The following WWOX variants were observed in gnomAD, a reference collection of about 807,000 sequenced individuals.
WWOX encodes the protein WW domain containing oxidoreductase, also known as WW domain-containing oxidoreductase.
WWOX carries 69 observed loss-of-function variants against 46.2 expected under a neutral mutation model. That is an observed-to-expected ratio of 1.49 (90% confidence interval 1.23 to 1.82). The LOEUF is 1.82. WWOX is among the 40% of genes most tolerant of loss of function. The pLI is 0.00. For synonymous variants in WWOX, 359 were observed against 202.6 expected, an observed-to-expected ratio of 1.77 and a Z score of -6.56; for missense variants, 919 against 542.6, an observed-to-expected ratio of 1.69 and a Z score of -6.89.
intron 5 of WWOX, among the ~76,000 whole-genome samples, chr16:78,207,635 C>T (rs74670914): frequency 7.4e-4 from 112 of 150,946 alleles, no homozygotes; most frequent in African/African-American, 2.6e-3. Flanking sequence ...TTTGAAGATA[C>T]AATAGATGTA....
intron 5 of WWOX, among the ~76,000 whole-genome samples, chr16:78,202,981 G>A (rs998968498): frequency 6.6e-6 from 1 of 152,146 alleles, no homozygotes; most frequent in Non-Finnish European, 1.5e-5. Flanking sequence ...ACCAGTTCCT[G>A]CACAGGCTGT....
At chr16:78,369,899 G>A (rs1317951807) in intron 5 of WWOX, among the ~76,000 whole-genome samples, 1 of 151,978 alleles carries the variant, frequency 6.6e-6, no homozygotes, top group Non-Finnish European at 1.5e-5. Flanking sequence ...TTGGGAGGCC[G>A]AGGCGGGAGG....
chr16:78,586,549 G>A (rs1309857244), intron 8 of WWOX, among the ~76,000 whole-genome samples: 1 of 152,050 alleles, frequency 6.6e-6, no homozygotes, highest in African/African-American at 2.4e-5. Context: ...CTTGCAATAC[G>A]CTTGTTATCT....
At chr16:79,137,951 A>G (rs748978906) in intron 8 of WWOX, among the ~76,000 whole-genome samples, 7 of 152,166 alleles carry the variant, frequency 4.6e-5, no homozygotes, top group Non-Finnish European at 8.8e-5. Flanking sequence ...AGTTTTGAGG[A>G]TGAAATTGGT....
chr16:78,395,211 A>T (rs1036922909), intron 6 of WWOX, among the ~76,000 whole-genome samples: 9 of 152,190 alleles, frequency 5.9e-5, no homozygotes, highest in African/African-American at 2.2e-4. Context: ...TGTGGGTCTC[A>T]TAAGGGCTTT....
chr16:79,179,491 A>G (rs1334671203), intron 8 of WWOX, among the ~76,000 whole-genome samples: 2 of 152,216 alleles, frequency 1.3e-5, no homozygotes, highest in Non-Finnish European at 2.9e-5. Flanking sequence ...AAACCTGCAA[A>G]CATGCAATCC....
intron 8 of WWOX, among the ~76,000 whole-genome samples, chr16:78,754,899 A>T (rs910867789): frequency 6.6e-6 from 1 of 152,040 alleles, no homozygotes; most frequent in African/African-American, 2.4e-5. Flanking sequence ...ACTGTCCATT[A>T]TCTGCAGGGG....
chr16:79,050,231 G>A (rs1464666001), intron 8 of WWOX, among the ~76,000 whole-genome samples: 1 of 152,104 alleles, frequency 6.6e-6, no homozygotes, highest in Admixed American at 6.5e-5. Context: ...GTTTTGGTGG[G>A]GCTTCCCCCT....
chr16:79,117,113 A>T (rs2049532361), intron 8 of WWOX, among the ~76,000 whole-genome samples: 1 of 152,076 alleles, frequency 6.6e-6, no homozygotes, highest in Admixed American at 6.6e-5. Flanking sequence ...TGCAGCTCAA[A>T]TTATCCTCCT....
chr16:78,659,786 G>T (rs772987391), intron 8 of WWOX, among the ~76,000 whole-genome samples: 1 of 152,148 alleles, frequency 6.6e-6, no homozygotes, highest in South Asian at 2.1e-4. Flanking sequence ...AAGATAAAGG[G>T]AGAACAGCAT....
chr16:78,831,795 G>A (rs141609936), intron 8 of WWOX, among the ~76,000 whole-genome samples: 2 of 152,190 alleles, frequency 1.3e-5, no homozygotes, highest in African/African-American at 2.4e-5. Flanking sequence ...CTTTTACTGA[G>A]CATCTATCTG....
chr16:78,923,064 C>G (rs941019839), intron 8 of WWOX, among the ~76,000 whole-genome samples: 7 of 151,314 alleles, frequency 4.6e-5, no homozygotes, highest in South Asian at 4.2e-4. Flanking sequence ...CCACCTCAAC[C>G]TCTGCCTCTT....
At chr16:79,108,396 C>T (rs1036687060) in intron 8 of WWOX, among the ~76,000 whole-genome samples, 1 of 152,310 alleles carries the variant, frequency 6.6e-6, no homozygotes, top group African/African-American at 2.4e-5. Context: ...CTGGTGTCTA[C>T]CTGACCACCC....
intron 8 of WWOX, among the ~76,000 whole-genome samples, chr16:78,458,004 G>T (rs1318217484): frequency 6.6e-6 from 1 of 151,498 alleles, no homozygotes; most frequent in Admixed American, 6.6e-5. Flanking sequence ...CTGAACCTGG[G>T]AGGCGGAGGT....
intron 6 of WWOX, among the ~76,000 whole-genome samples, chr16:78,399,207 A>G (rs965706154): frequency 6.6e-6 from 1 of 152,210 alleles, no homozygotes; most frequent in Non-Finnish European, 1.5e-5. Context: ...GGGAAGAACA[A>G]AAATGGAAAC....
At chr16:78,646,175 C>T (rs1331607313) in intron 8 of WWOX, among the ~76,000 whole-genome samples, 1 of 152,122 alleles carries the variant, frequency 6.6e-6, no homozygotes, top group Non-Finnish European at 1.5e-5. Flanking sequence ...GCATGGATGC[C>T]TTTTGATTTT....
At chr16:78,879,461 C>A (rs1163737043) in intron 8 of WWOX, among the ~76,000 whole-genome samples, 1 of 152,092 alleles carries the variant, frequency 6.6e-6, no homozygotes, top group Admixed American at 6.5e-5. Context: ...GCTCTCACTT[C>A]CCCAAACATG....
At chr16:78,514,836 A>T (rs1412658553) in intron 8 of WWOX, among the ~76,000 whole-genome samples, 1 of 152,194 alleles carries the variant, frequency 6.6e-6, no homozygotes, top group Non-Finnish European at 1.5e-5. Context: ...TGAATTATCT[A>T]TTATGTGCCA....
chr16:79,179,921 C>T (rs955720715), intron 8 of WWOX, among the ~76,000 whole-genome samples: 4 of 152,180 alleles, frequency 2.6e-5, no homozygotes, highest in African/African-American at 9.6e-5. Flanking sequence ...TGTGAAGTGA[C>T]TTGTCCAAGG....
Sources: allele counts gnomAD v4.1 joint callset (sites outside exome capture counted in the v4.1 genomes callset), GRCh38; gene constraint gnomAD v4.1.1; transcripts MANE v1.5; gene names NCBI Gene and HGNC (gene_info 2026-07-23, HGNC 2026-07-21).